The following RLF variants were observed in gnomAD, a reference collection of about 807,000 sequenced individuals.
The protein encoded by RLF is RLF zinc finger, also known as zinc finger protein Rlf.
A neutral mutation model predicts 162.9 loss-of-function variants in RLF; 7 were observed. The observed-to-expected ratio is 0.04, with a 90% CI of 0.02 to 0.08. The LOEUF (loss-of-function observed/expected upper bound fraction) is 0.08, where lower values mean the gene tolerates loss of function less well. Among genes scored for constraint, RLF ranks in the 10% least tolerant of loss-of-function variants. The pLI, the probability that RLF is intolerant of heterozygous loss-of-function variation, is 1.00. For synonymous variants in RLF, 782 were observed against 791.5 expected (o/e 0.99, Z 0.20); for missense variants, 1,664 against 2,244.7 (o/e 0.74, Z 5.23).
chr1:40,232,959 C>T (rs1319734559), intron 7 of RLF, among the ~76,000 whole-genome samples: 1 of 151,954 alleles, frequency 6.6e-6, no homozygotes, highest in Non-Finnish European at 1.5e-5. Context: ...AGCAATTCTC[C>T]CACCTCAGCC....
At chr1:40,208,556 T>C (rs562904847) in intron 5 of RLF, among the ~76,000 whole-genome samples, 1 of 152,222 alleles carries the variant, frequency 6.6e-6, no homozygotes. Flanking sequence ...GGCTCATGAC[T>C]GTAATCCCAG....
Position 40,161,710 on chromosome 1 carries a change from G to T in RLF, c.237+74G>T, listed in dbSNP as rs529649577. 181 of 1,565,932 alleles carry T rather than the reference G, an allele frequency of 1.2e-4. 2 individuals are homozygous for T. The South Asian group carries it at 2.0e-3, about 17-fold the overall frequency. On this transcript the variant is annotated intron_variant, in intron 1 of 7. Coordinates refer to ENST00000372771, the MANE Select transcript of RLF (RefSeq NM_012421.4). This position sits in a 1 kb window ranked among gnomAD's most constrained non-coding sequence, Gnocchi z 4.4. ...GAAGGAGGCCCTGGATCCTCTGTAA[G>T]CAGCCGGGTCCAAACTGAAAGGCGC...
chr1:40,175,573 C>T (rs959160863), intron 1 of RLF, among the ~76,000 whole-genome samples: 7 of 151,972 alleles, frequency 4.6e-5, no homozygotes, highest in East Asian at 1.9e-4. Context: ...TGCTTGAACC[C>T]GGGAGGCGGA....
In RLF at chr1:40,240,517, A is replaced by C; in HGVS notation, c.*70A>C. The C allele has an allele frequency of 9.1e-7, 1 of 1,092,932 alleles. No homozygotes were observed. The highest frequency in any genetic ancestry group is 1.5e-5 in the South Asian group (1 of 68,330). The allele number at this position is 1,092,932 out of a possible 1,614,324, so 67.7% of individuals were successfully genotyped here. On this transcript the variant is annotated 3_prime_UTR_variant, in exon 8 of 8. Transcript: ENST00000372771. ...ATGGGGACATTTGCCAACTCGAACAAAGGCTGAGAAGCAGCCACACCGTTG... is the reference window on the plus strand; with the variant it reads ...ATGGGGACATTTGCCAACTCGAACACAGGCTGAGAAGCAGCCACACCGTTG...
At chr1:40,193,267 G>A (rs1557745446) in intron 3 of RLF, among the ~76,000 whole-genome samples, 2 of 151,880 alleles carry the variant, frequency 1.3e-5, no homozygotes, top group African/African-American at 2.4e-5. Context: ...CATAGTTTTT[G>A]TAGTTTTATA....
At chr1:40,217,664 C>T (rs1642942370) in intron 5 of RLF, among the ~76,000 whole-genome samples, 2 of 151,490 alleles carry the variant, frequency 1.3e-5, no homozygotes, top group Admixed American at 1.3e-4. Flanking sequence ...CTCAGCTACT[C>T]GGAAGGCTGA....
At chr1:40,219,289 C>A (rs1313683149) in intron 5 of RLF, among the ~76,000 whole-genome samples, 1 of 152,028 alleles carries the variant, frequency 6.6e-6, no homozygotes, top group Non-Finnish European at 1.5e-5. Flanking sequence ...TACTGAGATT[C>A]TCTTCAAGTC....
chr1:40,213,540 C>T (rs1049098699), intron 5 of RLF, among the ~76,000 whole-genome samples: 2 of 152,076 alleles, frequency 1.3e-5, no homozygotes, highest in Non-Finnish European at 2.9e-5. Flanking sequence ...ATTCTTTTTT[C>T]CCAGGTAATG....
chr1:40,230,108 C>T (rs1191158028), intron 6 of RLF, among the ~76,000 whole-genome samples: 3 of 150,870 alleles, frequency 2.0e-5, no homozygotes, highest in Admixed American at 1.3e-4. Context: ...GAGCAAAGCT[C>T]CGTCTCAAAA....
intron 6 of RLF, among the ~76,000 whole-genome samples, chr1:40,225,045 A>G (rs1327575886): frequency 2.0e-5 from 3 of 152,256 alleles, no homozygotes; most frequent in Middle Eastern, 3.4e-3. Flanking sequence ...TTCATATGAG[A>G]TAGATCTTTT....
chr1:40,225,350 G>A (rs377546616), intron 6 of RLF, among the ~76,000 whole-genome samples: 6 of 151,996 alleles, frequency 3.9e-5, no homozygotes, highest in African/African-American at 7.2e-5. Flanking sequence ...AGACTGAGGC[G>A]GGTGGATCAT....
At chr1:40,231,449 G>A in intron 6 of RLF, 68 bp from the exon 7 acceptor site, 1 of 1,468,506 alleles carries the variant, frequency 6.8e-7, no homozygotes, top group Non-Finnish European at 9.3e-7. Context: ...AAAAAATTGG[G>A]TTGCCGGGGG....
At chr1:40,203,700 C>T (rs1642750564) in intron 5 of RLF, among the ~76,000 whole-genome samples, 1 of 152,072 alleles carries the variant, frequency 6.6e-6, no homozygotes, top group African/African-American at 2.4e-5. Context: ...TCATCATCTA[C>T]CTTTAATCCT....
chr1:40,171,877 C>T (rs941288896), intron 1 of RLF, among the ~76,000 whole-genome samples: 5 of 152,088 alleles, frequency 3.3e-5, no homozygotes, highest in Middle Eastern at 3.2e-3. Flanking sequence ...CTTATGTATT[C>T]CAGTACTACC....
intron 5 of RLF, among the ~76,000 whole-genome samples, chr1:40,217,925 C>A (rs949000631): frequency 6.6e-6 from 1 of 152,044 alleles, no homozygotes; most frequent in Non-Finnish European, 1.5e-5. Flanking sequence ...TGCTGTGTAA[C>A]GTGTATGTAG....
intron 3 of RLF, among the ~76,000 whole-genome samples, chr1:40,194,163 A>ATAACT (rs10645489): frequency 0.92 from 139,920 of 151,880 alleles, 64,555 homozygotes; most frequent in Admixed American, 0.94. Flanking sequence ...TGCTGAGTTA[A>ATAACT]TAGACTTTTC....
Position 40,216,922 on chromosome 1 carries a change from C to T in RLF, c.811-5652C>T, listed in dbSNP as rs1391304319. On this transcript the variant is annotated intron_variant, in intron 5 of 7. Transcript: ENST00000372771. ...CAAAAATTAGCGAGGTGTGGTGACA[C>T]GCACCTGTAATCCCAGCTACTCAGG... Among the ~76,000 whole-genome samples the T allele has an allele frequency of 3.3e-5, 5 of 152,084 alleles. No homozygotes were observed. In the South Asian group the frequency reaches 8.3e-4, roughly 25 times the overall value.
intron 1 of RLF, among the ~76,000 whole-genome samples, chr1:40,170,739 G>T (rs1372522924): frequency 1.4e-4 from 22 of 152,132 alleles, no homozygotes; most frequent in Admixed American, 1.2e-3. Context: ...ATGTGTATTT[G>T]TTACATATGA....
At chr1:40,188,003 AT>A (rs1642504720) in intron 1 of RLF, among the ~76,000 whole-genome samples, 1 of 152,212 alleles carries the variant, frequency 6.6e-6, no homozygotes, top group Non-Finnish European at 1.5e-5. Flanking sequence ...CCAAAAGCCT[AT>A]TAGGAACTCC....
Sources: allele counts gnomAD v4.1 joint callset (sites outside exome capture counted in the v4.1 genomes callset), GRCh38; gene constraint gnomAD v4.1.1; non-coding constraint Gnocchi (gnomAD v3.1); transcripts MANE v1.5; gene names NCBI Gene and HGNC (gene_info 2026-07-23, HGNC 2026-07-21).